AGRN: variants seen among roughly 807,000 people sequenced by gnomAD.
The protein encoded by AGRN is agrin.
A neutral mutation model predicts 211.0 loss-of-function variants in AGRN; 106 were observed. That is an observed-to-expected ratio of 0.50 (90% CI 0.43 to 0.59). The LOEUF (loss-of-function observed/expected upper bound fraction) is 0.59. Among genes scored for constraint, AGRN ranks in the 20% least tolerant of loss-of-function variants. AGRN has a pLI of 0.00. For synonymous variants in AGRN, 1,525 were observed against 1,332.5 expected (o/e 1.14, Z -3.15); for missense variants, 3,040 against 2,982.6 (o/e 1.02, Z -0.45).
chr1:1,030,174 C>CTG (rs201796606), intron 2 of AGRN, among the ~76,000 whole-genome samples: 1 of 61,126 alleles, frequency 1.6e-5, no homozygotes, highest in Admixed American at 2.2e-4. Flanking sequence ...GTGCATGGTG[C>CTG]TGTGAGATCA....
At chr1:1,022,151 C>A (rs376407731) in intron 1 of AGRN, 50 bp from the exon 2 acceptor site, 1 of 1,610,864 alleles carries the variant, frequency 6.2e-7, no homozygotes. Flanking sequence ...CCCAGTCTAG[C>A]CCCTTCCCCA....
Position 1,042,106 on chromosome 1 carries a change from A to G in AGRN, c.1328A>G (p.Gln443Arg), listed in dbSNP as rs1317497955. The change falls in exon 7 of 36, where the codon CAG becomes CGG. Residue 443 changes from glutamine (Q) to arginine (R), a missense_variant. Physicochemically the swap from Gln to Arg is conservative, Grantham distance 43. Around this residue, in one of 3 missense-constraint regions of AGRN, gnomAD observed 1,498 missense variants for 1,457.8 expected, o/e 1.03. Transcript: ENST00000379370. ...ACGTATGACAGTGATTGCTGGCGGCAGCAGGCTGAGTGCCGGCAGCAGCGT... is the reference window on the plus strand; with the variant it reads ...ACGTATGACAGTGATTGCTGGCGGCGGCAGGCTGAGTGCCGGCAGCAGCGT... The part of the protein sequence containing the change: ...GRTYDSDCWR[Q>R]QAECRQQRAI... The G allele has an allele frequency of 1.2e-6, 2 of 1,602,704 alleles. No individual in the cohort carries two copies. The highest frequency in any genetic ancestry group is 2.2e-5 in the East Asian group (1 of 44,790).
At chr1:1,042,256 T>C (rs905551019) in intron 7 of AGRN, 94 bp downstream of exon 7, 1 of 1,424,988 alleles carries the variant, frequency 7.0e-7, no homozygotes, top group African/African-American at 1.4e-5. Flanking sequence ...ATCATGTTCC[T>C]CTTGGGGTCC....
At chr1:1,033,387 T>A (rs1488426473) in intron 2 of AGRN, among the ~76,000 whole-genome samples, 4 of 151,030 alleles carry the variant, frequency 2.6e-5, no homozygotes, top group Non-Finnish European at 5.9e-5. Flanking sequence ...GCACACGCGG[T>A]CGCACGCGGC....
chr1:1,047,736 G>T (rs1570230638), intron 21 of AGRN, 40 bp from the exon 22 acceptor site: 1 of 1,612,080 alleles, frequency 6.2e-7, no homozygotes, highest in Non-Finnish European at 8.5e-7. Context: ...GGTGGGGGAT[G>T]CCTGGGGCTC....
At chr1:1,030,040 A>ATGG (rs530602592) in intron 2 of AGRN, among the ~76,000 whole-genome samples, 15 of 101,000 alleles carry the variant, frequency 1.5e-4, no homozygotes, top group East Asian at 1.4e-3. Flanking sequence ...TGTGCAGTGC[A>ATGG]TGGTGCTGTG....
At chr1:1,054,111 G>A (rs1645387405) in intron 34 of AGRN, 134 bp downstream of exon 34, 2 of 981,162 alleles carry the variant, frequency 2.0e-6, no homozygotes, top group Non-Finnish European at 1.5e-6. Context: ...GTCACTGCCA[G>A]TGGGAGGAGG....
At chr1:1,034,109 C>G in intron 2 of AGRN, 1 of 985,232 alleles carries the variant, frequency 1.0e-6, no homozygotes, top group South Asian at 4.7e-5. Context: ...TCCTGCCTGC[C>G]CGCTCCTATC....
At chr1:1,043,774 C>T (rs1341861716) in intron 9 of AGRN, 42 bp downstream of exon 9, 1 of 1,605,132 alleles carries the variant, frequency 6.2e-7, no homozygotes, top group Non-Finnish European at 8.5e-7. Context: ...GGTCCTGTGC[C>T]TCCCTCAGCC....
intron 3 of AGRN, 48 bp from the exon 4 acceptor site, chr1:1,040,617 G>C (rs955231851): frequency 7.8e-6 from 12 of 1,530,772 alleles, no homozygotes; most frequent in Non-Finnish European, 1.1e-5. Context: ...TTGTGGACGT[G>C]GGTACGGGCG....
chr1:1,037,452 G>T (rs1441644002), intron 3 of AGRN, among the ~76,000 whole-genome samples: 1 of 152,200 alleles, frequency 6.6e-6, no homozygotes, highest in African/African-American at 2.4e-5. Context: ...TCACAGCAGG[G>T]CTGGGGCATC....
intron 2 of AGRN, among the ~76,000 whole-genome samples, chr1:1,027,141 G>T (rs533061012): frequency 6.6e-6 from 1 of 152,356 alleles, no homozygotes; most frequent in East Asian, 1.9e-4. Flanking sequence ...CCCTCCTCCT[G>T]CAGTCCCCCC....
In AGRN at chr1:1,050,247, G is replaced by A. The variant is rs774044262; in HGVS notation, c.4894G>A (p.Gly1632Ser). The change falls in exon 28 of 36, where the codon GGC (glycine) becomes AGC (serine). Residue 1632 changes from glycine to serine, a missense_variant. Transcript: ENST00000379370. The stretch of plus-strand genomic sequence containing the variant: ...TCTCCCTACAGCCTCGGGGCAGGAC[G>A]GCTCTGGGCCCTTCCTGGCTGACTT... ...TFCQTASGQD[G>S]SGPFLADFNG... The A allele has an allele frequency of 2.8e-5, 45 of 1,612,990 alleles. No homozygotes were observed. Among genetic ancestry groups the A allele is most frequent in the South Asian group, 9.9e-5 (9 of 91,086 alleles).
rs1033098496 is a variant in AGRN, at chr1:1,047,109, C to G, written c.3388+152C>G. The stretch of plus-strand genomic sequence containing the variant: ...TGCGTGCCGGGGACCCCACGCCTAA[C>G]CCGTCTCTCTCGTTGCAAGCCGGTG... On this transcript the variant is annotated intron_variant, in intron 19 of 35. Coordinates refer to ENST00000379370, the MANE Select transcript of AGRN (RefSeq NM_198576.4). 7.1e-6 allele frequency: 10 copies of G among 1,400,258 alleles called. No homozygotes were observed. In the African/African-American group the frequency reaches 1.3e-4, roughly 18 times the overall value. 86.7% of individuals were successfully genotyped at this position (1,400,258 alleles called of 1,614,324 possible).
chr1:1,042,463 G>T (rs1307258061), intron 7 of AGRN, among the ~76,000 whole-genome samples: 1 of 152,180 alleles, frequency 6.6e-6, no homozygotes, highest in Non-Finnish European at 1.5e-5. Context: ...AGGCTGTTGG[G>T]GTGGGCAGGC....
Position 1,040,827 on chromosome 1 carries a change from G to A in AGRN, c.674G>A (p.Arg225Gln). The change falls in exon 4 of 36, where the codon CGG becomes CAG. Residue 225 changes from arginine to glutamine, a missense_variant. Arg to Gln is a conservative substitution (Grantham distance 43, BLOSUM62 1). This residue lies in a region of AGRN where 1,498 missense variants were observed against 1,457.8 expected (regional missense o/e 1.03). Transcript: ENST00000379370. ...TACAGCAACGAATGCGAGCTGCAGC[G>A]GGCGCAGTGCAGCCAGCAGCGCCGC... ...STYSNECELQRAQCSQQRRIR... is the reference protein window; with the variant it reads ...STYSNECELQQAQCSQQRRIR... 3.3e-6 allele frequency: 5 copies of A among 1,536,818 alleles called. No homozygotes were observed. Among genetic ancestry groups the A allele is most frequent in the Non-Finnish European group, 3.5e-6 (4 of 1,147,450 alleles).
At chr1:1,030,187 A>G (rs374993158) in intron 2 of AGRN, among the ~76,000 whole-genome samples, 19 of 29,392 alleles carry the variant, frequency 6.5e-4, no homozygotes, top group African/African-American at 1.4e-3. Context: ...TGAGATCAGC[A>G]TGTGTGTGTG....
At chr1:1,046,771 G>C in intron 18 of AGRN, 36 bp downstream of exon 18, 1 of 1,571,006 alleles carries the variant, frequency 6.4e-7, no homozygotes, top group Non-Finnish European at 8.6e-7. Context: ...TGGGTGGGCA[G>C]GCGCCGAGAG....
chr1:1,035,455 C>T (rs1017819577), intron 3 of AGRN, 131 bp downstream of exon 3: 42 of 1,281,614 alleles, frequency 3.3e-5, no homozygotes, highest in East Asian at 7.0e-5. Context: ...AGGGCACCTG[C>T]GTCTGTCCTG....
Sources: allele counts gnomAD v4.1 joint callset (sites outside exome capture counted in the v4.1 genomes callset), GRCh38; gene constraint gnomAD v4.1.1; regional missense constraint gnomAD v4.1.1; transcripts MANE v1.5; gene names NCBI Gene and HGNC (gene_info 2026-07-23, HGNC 2026-07-21).